DAB1: variants seen among roughly 807,000 people sequenced by gnomAD.
The protein encoded by DAB1 is disabled homolog 1.
DAB1 carries 15 observed loss-of-function variants against 64.6 expected under a neutral mutation model. The observed-to-expected ratio is 0.23, with a 90% confidence interval of 0.16 to 0.36. The LOEUF is 0.36. Among genes scored for constraint, DAB1 ranks in the 10% least tolerant of loss-of-function variants. The pLI is 1.00. For missense variants in DAB1, 596 were observed against 706.7 expected (o/e 0.84, Z 1.78); for synonymous variants, 235 against 251.9 (o/e 0.93, Z 0.64).
intron 3 of DAB1, among the ~76,000 whole-genome samples, chr1:58,391,255 G>C (rs1038473683): frequency 1.3e-5 from 2 of 152,226 alleles, no homozygotes; most frequent in African/African-American, 4.8e-5. Flanking sequence ...AGGCTACTCA[G>C]AGTCAAAGCT....
intron 4 of DAB1, among the ~76,000 whole-genome samples, chr1:57,122,802 A>T (rs1054244773): frequency 1.3e-5 from 2 of 152,184 alleles, no homozygotes; most frequent in Non-Finnish European, 2.9e-5. Flanking sequence ...TCATTAATAA[A>T]TATTTGTGGA....
chr1:58,179,564 T>C (rs1656667516), intron 4 of DAB1, among the ~76,000 whole-genome samples: 1 of 152,134 alleles, frequency 6.6e-6, no homozygotes, highest in African/African-American at 2.4e-5. Context: ...TGTGTTAAAT[T>C]TGCATCTTTC....
At chr1:58,070,753 C>T (rs572561944) in intron 5 of DAB1, among the ~76,000 whole-genome samples, 1 of 152,184 alleles carries the variant, frequency 6.6e-6, no homozygotes, top group South Asian at 2.1e-4. Context: ...CAATGGAGGC[C>T]CAGAAGCAGG....
intron 5 of DAB1, among the ~76,000 whole-genome samples, chr1:57,914,893 A>G (rs1333567165): frequency 6.6e-6 from 1 of 152,230 alleles, no homozygotes; most frequent in Non-Finnish European, 1.5e-5. Context: ...CAGAATTTTC[A>G]TAAGTTCTTA....
At chr1:58,359,166 G>C (rs1046183866) in intron 3 of DAB1, among the ~76,000 whole-genome samples, 28 of 152,248 alleles carry the variant, frequency 1.8e-4, no homozygotes, top group Non-Finnish European at 7.4e-5. Flanking sequence ...AGAGTGAAAA[G>C]CAATTTCACA....
At chr1:58,534,721 G>C (rs1646489933) in intron 1 of DAB1, among the ~76,000 whole-genome samples, 1 of 152,218 alleles carries the variant, frequency 6.6e-6, no homozygotes, top group Non-Finnish European at 1.5e-5. Context: ...GATCACCTCA[G>C]CTCAGAAGTT....
chr1:58,335,168 G>A (rs1038671566), intron 4 of DAB1, among the ~76,000 whole-genome samples: 5 of 152,172 alleles, frequency 3.3e-5, no homozygotes, highest in African/African-American at 1.2e-4. Flanking sequence ...GAGGGTACAC[G>A]TACAAAAACC....
chr1:57,293,017 T>C (rs1231477958), intron 1 of DAB1, among the ~76,000 whole-genome samples: 1 of 151,988 alleles, frequency 6.6e-6, no homozygotes, highest in Non-Finnish European at 1.5e-5. Context: ...AGCTTCTCAA[T>C]AATTGTATGT....
chr1:57,018,745 T>C (rs1379293355), intron 11 of DAB1, among the ~76,000 whole-genome samples: 1 of 152,224 alleles, frequency 6.6e-6, no homozygotes, highest in Non-Finnish European at 1.5e-5. Context: ...TAAATGCATA[T>C]ATGGTACTTC....
At chr1:57,181,649 T>C (rs1208510211) in intron 2 of DAB1, among the ~76,000 whole-genome samples, 2 of 152,180 alleles carry the variant, frequency 1.3e-5, no homozygotes, top group African/African-American at 4.8e-5. Context: ...TTTCCCCTTA[T>C]GATTTGCTTT....
chr1:57,292,633 T>C (rs1216976615), intron 1 of DAB1, among the ~76,000 whole-genome samples: 1 of 152,198 alleles, frequency 6.6e-6, no homozygotes, highest in East Asian at 1.9e-4. Context: ...ATAAAATTTA[T>C]TAATAATATT....
At chr1:58,394,017 A>C (rs2100557594) in intron 3 of DAB1, among the ~76,000 whole-genome samples, 1 of 152,296 alleles carries the variant, frequency 6.6e-6, no homozygotes, top group South Asian at 2.1e-4. Flanking sequence ...TTAAATATAA[A>C]ATTTAAAAAA....
At chr1:57,913,171 T>A (rs1272360981) in intron 5 of DAB1, among the ~76,000 whole-genome samples, 2 of 152,184 alleles carry the variant, frequency 1.3e-5, no homozygotes, top group East Asian at 3.9e-4. Flanking sequence ...GCTGGAGGCA[T>A]CATGCTACCT....
chr1:57,035,833 CTTTTTTTT>C (rs35389635), intron 9 of DAB1, among the ~76,000 whole-genome samples: 3 of 61,886 alleles, frequency 4.8e-5, no homozygotes, highest in African/African-American at 1.3e-4. Flanking sequence ...CGCACATGCA[CTTTTTTTT>C]TTTTTTTTTT....
intron 1 of DAB1, among the ~76,000 whole-genome samples, chr1:58,542,086 T>G (rs1646632246): frequency 6.6e-6 from 1 of 152,258 alleles, no homozygotes; most frequent in Non-Finnish European, 1.5e-5. Context: ...TTTTATGTAA[T>G]TCATACATCC....
intron 7 of DAB1, among the ~76,000 whole-genome samples, chr1:57,477,529 A>G (rs945330041): frequency 2.0e-5 from 3 of 152,208 alleles, no homozygotes; most frequent in Non-Finnish European, 2.9e-5. Context: ...GCAGTCAGAT[A>G]TCACTTGATT....
intron 4 of DAB1, among the ~76,000 whole-genome samples, chr1:58,269,253 G>A (rs1258332116): frequency 1.3e-5 from 2 of 150,750 alleles, no homozygotes; most frequent in Non-Finnish European, 2.9e-5. Context: ...CTATGAGTGA[G>A]AATATGCCCT....
At chr1:57,737,607 C>A (rs1647758790) in intron 6 of DAB1, among the ~76,000 whole-genome samples, 1 of 152,110 alleles carries the variant, frequency 6.6e-6, no homozygotes, top group Non-Finnish European at 1.5e-5. Context: ...TCATGGGATA[C>A]AATAGTGAGC....
intron 2 of DAB1, among the ~76,000 whole-genome samples, chr1:57,259,216 C>A (rs1326301652): frequency 2.6e-5 from 4 of 152,150 alleles, no homozygotes; most frequent in African/African-American, 9.7e-5. Context: ...GTCATTCAGC[C>A]AAGAAACTCT....
Sources: allele counts gnomAD v4.1 joint callset (sites outside exome capture counted in the v4.1 genomes callset), GRCh38; gene constraint gnomAD v4.1.1; transcripts MANE v1.5; gene names NCBI Gene and HGNC (gene_info 2026-07-23, HGNC 2026-07-21).